NPAS3: variants seen among roughly 807,000 people sequenced by gnomAD.
NPAS3 encodes neuronal PAS domain-containing protein 3.
A neutral mutation model predicts 73.1 loss-of-function variants in NPAS3; 14 were observed. The observed-to-expected ratio is 0.19, with a 90% CI of 0.13 to 0.30. The LOEUF (loss-of-function observed/expected upper bound fraction) is 0.30. Ranked by LOEUF, NPAS3 falls within the 10% of genes least tolerant of loss-of-function variation. The probability of loss-of-function intolerance (pLI) is 1.00; values close to 1 mark genes in which losing one functional copy is unlikely to be tolerated. For missense variants in NPAS3, 1,096 were observed against 1,250.0 expected, an observed-to-expected ratio of 0.88 and a Z score of 1.86; for synonymous variants, 620 against 541.5, an observed-to-expected ratio of 1.14 and a Z score of -2.01.
chr14:33,729,442 C>T (rs566866949), intron 6 of NPAS3, among the ~76,000 whole-genome samples: 2 of 152,106 alleles, frequency 1.3e-5, no homozygotes, highest in Non-Finnish European at 1.5e-5. Flanking sequence ...AAAGATATCT[C>T]GCATAGTTCC....
At chr14:33,190,813 C>T (rs928657360) in intron 2 of NPAS3, among the ~76,000 whole-genome samples, 1 of 152,122 alleles carries the variant, frequency 6.6e-6, no homozygotes, top group Admixed American at 6.5e-5. Flanking sequence ...TAGCGCCCAT[C>T]GGTATAAAGC....
chr14:32,994,668 A>G (rs1445583653), intron 1 of NPAS3, among the ~76,000 whole-genome samples: 3 of 134,810 alleles, frequency 2.2e-5, no homozygotes, highest in African/African-American at 3.0e-5. Context: ...GTCTCACTCC[A>G]TTGCTTAGGC....
At chr14:33,162,014 A>C (rs2044909758) in intron 2 of NPAS3, among the ~76,000 whole-genome samples, 1 of 152,220 alleles carries the variant, frequency 6.6e-6, no homozygotes. Flanking sequence ...GGGATGGGGC[A>C]TAGAGTCCTA....
At chr14:33,103,770 C>T (rs1754769921) in intron 2 of NPAS3, among the ~76,000 whole-genome samples, 2 of 152,056 alleles carry the variant, frequency 1.3e-5, no homozygotes, top group African/African-American at 4.8e-5. Flanking sequence ...CACAGGATGA[C>T]TTTGTCCGGA....
intron 1 of NPAS3, among the ~76,000 whole-genome samples, chr14:32,985,675 A>G (rs1035973585): frequency 6.6e-6 from 1 of 152,186 alleles, no homozygotes; most frequent in Non-Finnish European, 1.5e-5. Flanking sequence ...AAGATACACC[A>G]TGGAAGGGAA....
intron 2 of NPAS3, chr14:33,213,574 G>A (rs1566684156): frequency 6.6e-6 from 1 of 152,136 alleles, no homozygotes; most frequent in Non-Finnish European, 1.5e-5. Flanking sequence ...ATTGAATGGA[G>A]GCTGGCCCAG....
chr14:33,600,037 C>A (rs2057353678), intron 5 of NPAS3, among the ~76,000 whole-genome samples: 1 of 152,152 alleles, frequency 6.6e-6, no homozygotes, highest in Non-Finnish European at 1.5e-5. Flanking sequence ...TGACATCCAG[C>A]CCAGGCACTA....
chr14:33,797,630 C>T (rs377636291), intron 11 of NPAS3, 49 bp downstream of exon 11: 293 of 1,594,556 alleles, frequency 1.8e-4, no homozygotes, highest in Non-Finnish European at 2.3e-4. Flanking sequence ...GCCCACCACG[C>T]GCAGGGGGTG....
intron 2 of NPAS3, among the ~76,000 whole-genome samples, chr14:33,146,201 G>A (rs1454011976): frequency 1.3e-5 from 2 of 152,132 alleles, no homozygotes; most frequent in Non-Finnish European, 2.9e-5. Context: ...TGATGTGTAT[G>A]AGCATCCCAA....
In NPAS3 at chr14:33,799,953, C is replaced by T. The variant is rs779068281; in HGVS notation, c.1646C>T (p.Ala549Val). Residue 549 changes from alanine to valine, a missense_variant, in exon 12 of 12, where the codon GCT becomes GTT. Physicochemically the swap from Ala to Val is moderately conservative, Grantham distance 64 (BLOSUM62 0). Transcript: ENST00000356141. ...AAGGCGGGCGAGGACGGCTTCGGTG[C>T]TCTGGGCGCGATGCAGATCAAGGTG... 57 of 1,613,948 alleles carry T rather than the reference C, an allele frequency of 3.5e-5. No individual in the cohort carries two copies. In the East Asian group the frequency reaches 7.1e-4, roughly 20 times the overall value.
chr14:33,479,869 C>A (rs184685587), intron 4 of NPAS3, among the ~76,000 whole-genome samples: 1 of 152,094 alleles, frequency 6.6e-6, no homozygotes, highest in East Asian at 1.9e-4. Flanking sequence ...TGAAGAATTT[C>A]TTGGGGTTTC....
intron 4 of NPAS3, among the ~76,000 whole-genome samples, chr14:33,412,260 AG>A (rs1201642441): frequency 6.6e-6 from 1 of 152,066 alleles, no homozygotes; most frequent in Non-Finnish European, 1.5e-5. Flanking sequence ...CTGGGACTAC[AG>A]GTGTGAACCA....
At chr14:33,177,839 A>G (rs2045648847) in intron 2 of NPAS3, among the ~76,000 whole-genome samples, 1 of 152,158 alleles carries the variant, frequency 6.6e-6, no homozygotes, top group Admixed American at 6.5e-5. Flanking sequence ...CTGAACTTTC[A>G]GTTCTAATCC....
chr14:33,502,284 A>G (rs2052555247), intron 4 of NPAS3, among the ~76,000 whole-genome samples: 1 of 150,848 alleles, frequency 6.6e-6, no homozygotes, highest in Non-Finnish European at 1.5e-5. Context: ...TTTTTTTTTA[A>G]CACTTTGGCT....
chr14:33,261,705 TATG>T (rs1566735312), intron 3 of NPAS3, among the ~76,000 whole-genome samples: 1 of 152,192 alleles, frequency 6.6e-6, no homozygotes, highest in Non-Finnish European at 1.5e-5. Flanking sequence ...ATAACAATTT[TATG>T]TGTCAAAGTA....
At chr14:33,149,240 T>C (rs1277498746) in intron 2 of NPAS3, among the ~76,000 whole-genome samples, 3 of 152,206 alleles carry the variant, frequency 2.0e-5, no homozygotes, top group African/African-American at 4.8e-5. Context: ...CTCCAAATGA[T>C]TTGAGAAAAC....
At chr14:32,936,728 T>A (rs1018416524), upstream of NPAS3, among the ~76,000 whole-genome samples, 2 of 152,146 alleles carry the variant, frequency 1.3e-5, no homozygotes, top group African/African-American at 4.8e-5. Flanking sequence ...TTTTCTGCCA[T>A]CAGGTTTGCT....
At chr14:33,345,611 G>T (rs968162738) in intron 3 of NPAS3, among the ~76,000 whole-genome samples, 1 of 152,200 alleles carries the variant, frequency 6.6e-6, no homozygotes, top group African/African-American at 2.4e-5. Context: ...TATTCTTGAA[G>T]TTAACTTCCT....
At chr14:33,543,969 A>ATC (rs2054643752) in intron 4 of NPAS3, among the ~76,000 whole-genome samples, 1 of 31,768 alleles carries the variant, frequency 3.1e-5, no homozygotes, top group African/African-American at 3.4e-4. Context: ...ATATATATAT[A>ATC]TATATATATA....
Sources: gnomAD v4.1 joint callset for allele counts (sites outside exome capture counted in the v4.1 genomes callset) on GRCh38, gnomAD v4.1.1 for gene constraint, MANE v1.5 for transcripts, NCBI Gene and HGNC (gene_info 2026-07-23, HGNC 2026-07-21) for gene names.